Variants in SNTB1 observed in about 807,000 individuals in gnomAD.
SNTB1 encodes beta-1-syntrophin.
SNTB1 carries 36 observed loss-of-function variants against 48.9 expected under a neutral mutation model. The ratio of observed to expected loss-of-function variants is 0.74; its 90% CI spans 0.56 to 0.97. The LOEUF (loss-of-function observed/expected upper bound fraction) is 0.97, where lower values mean the gene tolerates loss of function less well. Ranked by LOEUF, SNTB1 falls within the 50% of genes least tolerant of loss-of-function variation. SNTB1 has a pLI of 0.00. For synonymous variants in SNTB1, 299 were observed against 294.6 expected (o/e 1.01, Z -0.15); for missense variants, 786 against 703.4 (o/e 1.12, Z -1.33).
chr8:120,650,828 C>T (rs1817400868), intron 2 of SNTB1, among the ~76,000 whole-genome samples: 1 of 152,156 alleles, frequency 6.6e-6, no homozygotes, highest in Non-Finnish European at 1.5e-5. Flanking sequence ...TTCAGCAGCC[C>T]ATATTCTCAC....
chr8:120,588,645 C>G (rs550077497), intron 3 of SNTB1, among the ~76,000 whole-genome samples: 1 of 152,154 alleles, frequency 6.6e-6, no homozygotes, highest in African/African-American at 2.4e-5. Flanking sequence ...TCACTGTGAT[C>G]TTGAAGAAGT....
At chr8:120,646,618 A>G (rs1447032000) in intron 2 of SNTB1, among the ~76,000 whole-genome samples, 1 of 151,888 alleles carries the variant, frequency 6.6e-6, no homozygotes, top group Non-Finnish European at 1.5e-5. Flanking sequence ...ATATTGGTCT[A>G]AAATTCTCTT....
intron 3 of SNTB1, among the ~76,000 whole-genome samples, chr8:120,615,453 G>A (rs1044573908): frequency 2.6e-5 from 4 of 152,192 alleles, no homozygotes; most frequent in Non-Finnish European, 5.9e-5. Flanking sequence ...AGCCATTGGG[G>A]AAGATGATGA....
intron 2 of SNTB1, among the ~76,000 whole-genome samples, chr8:120,665,642 T>C (rs1333298478): frequency 6.6e-6 from 1 of 152,176 alleles, no homozygotes; most frequent in African/African-American, 2.4e-5. Context: ...TCTAGAACCT[T>C]TTCCAAACTC....
chr8:120,641,189 C>G (rs927012464), intron 2 of SNTB1, among the ~76,000 whole-genome samples: 6 of 152,164 alleles, frequency 3.9e-5, no homozygotes, highest in African/African-American at 1.2e-4. Flanking sequence ...CCAAAGTTCT[C>G]ACTGTTCAGT....
At chr8:120,764,032 C>T (rs1400741682) in intron 1 of SNTB1, among the ~76,000 whole-genome samples, 1 of 152,178 alleles carries the variant, frequency 6.6e-6, no homozygotes, top group African/African-American at 2.4e-5. Context: ...GCAATGTTCT[C>T]AAAGTCATAA....
intron 1 of SNTB1, among the ~76,000 whole-genome samples, chr8:120,804,884 A>G (rs939631673): frequency 6.6e-6 from 1 of 152,158 alleles, no homozygotes; most frequent in African/African-American, 2.4e-5. Context: ...TGCCCTGTCC[A>G]AGAGCAGACC....
intron 6 of SNTB1, among the ~76,000 whole-genome samples, chr8:120,541,579 G>T (rs1815290022): frequency 1.3e-5 from 2 of 152,096 alleles, no homozygotes; most frequent in Admixed American, 6.6e-5. Context: ...CTTTGTAAAG[G>T]ATTCTTTCCT....
intron 4 of SNTB1, among the ~76,000 whole-genome samples, chr8:120,559,442 TCTTTAAATTA>T (rs1006663571): frequency 6.6e-6 from 1 of 152,228 alleles, no homozygotes. Flanking sequence ...TTATAAAATG[TCTTTAAATTA>T]CTTTAAATGC....
chr8:120,806,395 A>G (rs1358630928), intron 1 of SNTB1, among the ~76,000 whole-genome samples: 3 of 152,204 alleles, frequency 2.0e-5, no homozygotes. Flanking sequence ...TTTAACATAA[A>G]GGTGCGAGCA....
At chr8:120,763,593 A>T (rs547459700) in intron 1 of SNTB1, among the ~76,000 whole-genome samples, 112 of 152,330 alleles carry the variant, frequency 7.4e-4, no homozygotes, top group African/African-American at 2.3e-3. Flanking sequence ...CAGTTAAAAA[A>T]TTTTTTCTGC....
chr8:120,587,689 T>G (rs1461535751), intron 3 of SNTB1, among the ~76,000 whole-genome samples: 4 of 151,864 alleles, frequency 2.6e-5, no homozygotes, highest in Non-Finnish European at 5.9e-5. Flanking sequence ...GCCTGAGATC[T>G]ATGTGCTCTC....
chr8:120,700,612 A>G (rs1472290064), intron 1 of SNTB1, among the ~76,000 whole-genome samples: 1 of 152,222 alleles, frequency 6.6e-6, no homozygotes, highest in Admixed American at 6.5e-5. Flanking sequence ...TGCTCTTCAA[A>G]CCAATAATCC....
At chr8:120,788,849 A>C (rs913619714) in intron 1 of SNTB1, among the ~76,000 whole-genome samples, 1 of 152,120 alleles carries the variant, frequency 6.6e-6, no homozygotes, top group Non-Finnish European at 1.5e-5. Context: ...CAGAAAATCA[A>C]CAAAGAAACA....
intron 3 of SNTB1, among the ~76,000 whole-genome samples, chr8:120,581,088 C>CAAAAAA (rs775547135): frequency 1.9e-3 from 166 of 87,958 alleles, no homozygotes; most frequent in East Asian, 2.5e-3. Context: ...GACCCTGTCT[C>CAAAAAA]AAAAAAAAAA....
intron 3 of SNTB1, among the ~76,000 whole-genome samples, chr8:120,616,866 G>T (rs539159412): frequency 6.6e-6 from 1 of 152,328 alleles, no homozygotes; most frequent in Admixed American, 6.5e-5. Flanking sequence ...CAACGAGGAG[G>T]TGCACACAAC....
chr8:120,608,870 A>C (rs1389139460), intron 3 of SNTB1, among the ~76,000 whole-genome samples: 1 of 152,228 alleles, frequency 6.6e-6, no homozygotes, highest in Admixed American at 6.5e-5. Flanking sequence ...AAAGGTGAGC[A>C]AAGAAACCAA....
chr8:120,808,086 TG>T (rs1208591792), intron 1 of SNTB1, among the ~76,000 whole-genome samples: 1 of 152,078 alleles, frequency 6.6e-6, no homozygotes, highest in African/African-American at 2.4e-5. Context: ...GGCTAATTTT[TG>T]TATTTTTAGT....
intron 3 of SNTB1, among the ~76,000 whole-genome samples, chr8:120,618,289 AT>A (rs1260570312): frequency 1.3e-5 from 2 of 152,214 alleles, no homozygotes; most frequent in Non-Finnish European, 2.9e-5. Context: ...CCCTGAGAAT[AT>A]CTTTGTATCT....
Sources: allele counts gnomAD v4.1 joint callset (sites outside exome capture counted in the v4.1 genomes callset), GRCh38; gene constraint gnomAD v4.1.1; transcripts MANE v1.5; gene names NCBI Gene and HGNC (gene_info 2026-07-23, HGNC 2026-07-21).